ANO10: variants seen among roughly 807,000 people sequenced by gnomAD.
ANO10 encodes the protein anoctamin 10.
In ANO10, 77 loss-of-function variants were observed where a neutral mutation model predicts 74.7. The ratio of observed to expected loss-of-function variants is 1.03; its 90% confidence interval spans 0.86 to 1.25. ANO10 has a LOEUF of 1.25. Among genes scored for constraint, ANO10 ranks in the 50% most tolerant of loss-of-function variants. The pLI, the probability that ANO10 is intolerant of heterozygous loss-of-function variation, is 0.00. For missense variants in ANO10, 721 were observed against 778.1 expected, an observed-to-expected ratio of 0.93 and a Z score of 0.87; for synonymous variants, 279 against 284.9, an observed-to-expected ratio of 0.98 and a Z score of 0.21.
intron 12 of ANO10, among the ~76,000 whole-genome samples, chr3:43,432,007 T>A (rs2092989770): frequency 6.6e-6 from 1 of 152,120 alleles, no homozygotes; most frequent in Non-Finnish European, 1.5e-5. Context: ...TAAATTCCTA[T>A]GCAGCACTAA....
chr3:43,685,265 C>T (rs1408883074), intron 1 of ANO10, among the ~76,000 whole-genome samples: 1 of 152,110 alleles, frequency 6.6e-6, no homozygotes, highest in Non-Finnish European at 1.5e-5. Context: ...GGTATCCAGG[C>T]ATTTATCAAT....
chr3:43,522,001 A>G (rs2077978289), intron 11 of ANO10, among the ~76,000 whole-genome samples: 1 of 152,228 alleles, frequency 6.6e-6, no homozygotes, highest in African/African-American at 2.4e-5. Flanking sequence ...TAACATGGGT[A>G]AGACTTAAAA....
chr3:43,648,329 A>C (rs1249022963), intron 1 of ANO10, among the ~76,000 whole-genome samples: 1 of 152,114 alleles, frequency 6.6e-6, no homozygotes, highest in Admixed American at 6.6e-5. Context: ...CTGGATCCAA[A>C]CCCCAAGAGA....
intron 11 of ANO10, chr3:43,485,053 G>A: frequency 7.4e-7 from 1 of 1,359,176 alleles, no homozygotes; most frequent in Non-Finnish European, 1.0e-6. Flanking sequence ...GCAGGAACTT[G>A]ATCTTGGAGT....
chr3:43,573,287 G>A (rs79387504), intron 7 of ANO10, among the ~76,000 whole-genome samples: 105 of 152,204 alleles, frequency 6.9e-4, no homozygotes, highest in African/African-American at 2.5e-3. Flanking sequence ...TGGATATGTA[G>A]GGCTACTTTT....
At chr3:43,530,028 C>T (rs1216255441) in intron 11 of ANO10, among the ~76,000 whole-genome samples, 2 of 151,960 alleles carry the variant, frequency 1.3e-5, no homozygotes, top group Admixed American at 1.3e-4. Context: ...ATGCTGTATA[C>T]AAGAGACACA....
intron 11 of ANO10, among the ~76,000 whole-genome samples, chr3:43,474,888 T>C (rs772032193): frequency 7.4e-6 from 1 of 135,766 alleles, no homozygotes; most frequent in African/African-American, 2.5e-5. Context: ...TTATTATCAC[T>C]AATTATTTTG....
intron 1 of ANO10, among the ~76,000 whole-genome samples, chr3:43,680,598 C>CT (rs1559399541): frequency 6.6e-6 from 1 of 152,098 alleles, no homozygotes; most frequent in Non-Finnish European, 1.5e-5. Flanking sequence ...AAAGATACTC[C>CT]TCGAGAAGAG....
At chr3:43,443,042 A>G (rs1271234203) in intron 11 of ANO10, among the ~76,000 whole-genome samples, 2 of 152,164 alleles carry the variant, frequency 1.3e-5, no homozygotes, top group African/African-American at 2.4e-5. Context: ...TTCAGGCCCT[A>G]TGCCCTGGTG....
intron 12 of ANO10, among the ~76,000 whole-genome samples, chr3:43,401,363 T>C (rs1192078345): frequency 1.3e-5 from 2 of 152,204 alleles, no homozygotes; most frequent in African/African-American, 4.8e-5. Context: ...GAAGTTCTGT[T>C]ATTAAATCAC....
intron 1 of ANO10, among the ~76,000 whole-genome samples, chr3:43,640,687 A>C (rs1439520665): frequency 6.6e-6 from 1 of 152,192 alleles, no homozygotes; most frequent in Non-Finnish European, 1.5e-5. Context: ...GCATTTTTCC[A>C]TTGCCACATT....
At chr3:43,651,032 A>T (rs1189876158) in intron 1 of ANO10, among the ~76,000 whole-genome samples, 3 of 152,214 alleles carry the variant, frequency 2.0e-5, no homozygotes, top group African/African-American at 7.2e-5. Context: ...CAGCAAGTAC[A>T]TGTTCCTTTC....
At chr3:43,423,399 G>T (rs985852099) in intron 12 of ANO10, among the ~76,000 whole-genome samples, 12 of 152,204 alleles carry the variant, frequency 7.9e-5, no homozygotes, top group African/African-American at 2.9e-4. Context: ...TGGGCGCCAG[G>T]CCCTATGCTG....
At chr3:43,491,601 G>A (rs1224944471) in intron 11 of ANO10, among the ~76,000 whole-genome samples, 2 of 152,032 alleles carry the variant, frequency 1.3e-5, no homozygotes, top group African/African-American at 2.4e-5. Context: ...CTTCCACCAA[G>A]TGTACTGTAC....
At chr3:43,571,531 T>A (rs2080714413) in intron 7 of ANO10, among the ~76,000 whole-genome samples, 3 of 152,150 alleles carry the variant, frequency 2.0e-5, no homozygotes, top group South Asian at 2.1e-4. Flanking sequence ...TCATGTCCTT[T>A]GTAGGGACAT....
intron 8 of ANO10, among the ~76,000 whole-genome samples, chr3:43,564,720 T>G (rs992025633): frequency 8.5e-5 from 13 of 152,228 alleles, no homozygotes; most frequent in African/African-American, 2.9e-4. Context: ...TTACTAGGGA[T>G]GAGTTAAGTT....
At chr3:43,682,880 A>G (rs1384148302) in intron 1 of ANO10, among the ~76,000 whole-genome samples, 1 of 152,188 alleles carries the variant, frequency 6.6e-6, no homozygotes, top group South Asian at 2.1e-4. Flanking sequence ...AAATTCAACA[A>G]CACTTCATGC....
chr3:43,425,908 T>C (rs150226059), intron 12 of ANO10, among the ~76,000 whole-genome samples: 36 of 152,286 alleles, frequency 2.4e-4, no homozygotes, highest in African/African-American at 7.7e-4. Context: ...GTCTGATACC[T>C]CTTAAGGTCT....
intron 1 of ANO10, among the ~76,000 whole-genome samples, chr3:43,658,473 T>C (rs2083882631): frequency 6.6e-6 from 1 of 151,602 alleles, no homozygotes; most frequent in South Asian, 2.1e-4. Flanking sequence ...ATTATTATTA[T>C]TATTATTATT....
Sources: allele counts gnomAD v4.1 joint callset (sites outside exome capture counted in the v4.1 genomes callset), GRCh38; gene constraint gnomAD v4.1.1; transcripts MANE v1.5; gene names NCBI Gene and HGNC (gene_info 2026-07-23, HGNC 2026-07-21).